The following CNTNAP2 variants were observed in gnomAD, a reference collection of about 807,000 sequenced individuals.
The protein encoded by CNTNAP2 is contactin associated protein 2.
Under a neutral mutation model 155.2 loss-of-function variants are expected in CNTNAP2, and 98 were observed. That is an observed-to-expected ratio of 0.63 (90% CI 0.54 to 0.75). CNTNAP2 has a LOEUF of 0.75. Among genes scored for constraint, CNTNAP2 ranks in the 30% least tolerant of loss-of-function variants. The probability of loss-of-function intolerance (pLI) is 0.00; values close to 1 mark genes in which losing one functional copy is unlikely to be tolerated. For missense variants in CNTNAP2, 1,727 were observed against 1,688.1 expected, an observed-to-expected ratio of 1.02 and a Z score of -0.40; for synonymous variants, 651 against 631.2, an observed-to-expected ratio of 1.03 and a Z score of -0.47.
intron 22 of CNTNAP2, 66 bp from the exon 23 acceptor site, chr7:148,409,325 G>T: frequency 8.3e-7 from 1 of 1,209,974 alleles, no homozygotes; most frequent in Non-Finnish European, 1.2e-6. Context: ...TGAAGAAATA[G>T]GTATCAAATT....
At chr7:147,410,410 G>A (rs1243254185) in intron 10 of CNTNAP2, among the ~76,000 whole-genome samples, 1 of 152,138 alleles carries the variant, frequency 6.6e-6, no homozygotes, top group East Asian at 1.9e-4. Context: ...TGGGAGGAGG[G>A]AGAGGATCAG....
chr7:147,542,425 G>C (rs894999543), intron 11 of CNTNAP2, among the ~76,000 whole-genome samples: 1 of 152,154 alleles, frequency 6.6e-6, no homozygotes, highest in Admixed American at 6.5e-5. Context: ...TTACGGACTA[G>C]CTGTGTGACT....
intron 3 of CNTNAP2, among the ~76,000 whole-genome samples, chr7:146,857,628 C>A (rs918986434): frequency 6.6e-6 from 1 of 152,050 alleles, no homozygotes; most frequent in African/African-American, 2.4e-5. Flanking sequence ...ACCAAGAGAA[C>A]GACTGAGAAA....
intron 8 of CNTNAP2, among the ~76,000 whole-genome samples, chr7:147,282,390 G>A (rs1805061470): frequency 6.6e-6 from 1 of 151,928 alleles, no homozygotes. Flanking sequence ...TGTGAGCCAT[G>A]GTTTGGATGA....
intron 21 of CNTNAP2, among the ~76,000 whole-genome samples, chr7:148,368,895 AG>A (rs764046080): frequency 2.6e-5 from 4 of 152,200 alleles, no homozygotes; most frequent in Non-Finnish European, 5.9e-5. Context: ...TTGCTAGGTC[AG>A]GGGTCGAATT....
At chr7:146,770,325 C>T (rs1380634085) in intron 1 of CNTNAP2, among the ~76,000 whole-genome samples, 2 of 148,352 alleles carry the variant, frequency 1.3e-5, no homozygotes, top group Non-Finnish European at 3.0e-5. Flanking sequence ...TATACACACA[C>T]ACACACACAC....
intron 12 of CNTNAP2, among the ~76,000 whole-genome samples, chr7:147,591,281 G>A (rs1022794460): frequency 6.6e-6 from 1 of 152,178 alleles, no homozygotes. Context: ...GGATCAAGGT[G>A]TCTGTAGGTT....
At chr7:147,372,844 C>T (rs1221896482) in intron 9 of CNTNAP2, among the ~76,000 whole-genome samples, 1 of 151,970 alleles carries the variant, frequency 6.6e-6, no homozygotes, top group Non-Finnish European at 1.5e-5. Context: ...GATGGCCCAG[C>T]CAATGGAAAC....
At chr7:148,066,242 A>G (rs10236703) in intron 15 of CNTNAP2, among the ~76,000 whole-genome samples, 7,929 of 152,216 alleles carry the variant, frequency 0.052, 434 homozygotes, top group East Asian at 0.29. Context: ...GACTTTAGAT[A>G]ACCTAATGAC....
intron 14 of CNTNAP2, among the ~76,000 whole-genome samples, chr7:147,935,769 G>GA (rs752361274): frequency 1.3e-5 from 2 of 151,846 alleles, no homozygotes; most frequent in Non-Finnish European, 2.9e-5. Flanking sequence ...TCATTTATAT[G>GA]ATAGCAAAAA....
intron 1 of CNTNAP2, among the ~76,000 whole-genome samples, chr7:146,295,392 C>T (rs1800497590): frequency 6.6e-6 from 1 of 151,922 alleles, no homozygotes; most frequent in Admixed American, 6.6e-5. Flanking sequence ...GTGGTTCTAC[C>T]CTTCCAGTTT....
chr7:148,380,277 ATACTT>A (rs1021781322), intron 21 of CNTNAP2, among the ~76,000 whole-genome samples: 1 of 152,232 alleles, frequency 6.6e-6, no homozygotes, highest in African/African-American at 2.4e-5. Context: ...ATAGAGTAAC[ATACTT>A]TACTTGTAAT....
intron 2 of CNTNAP2, among the ~76,000 whole-genome samples, chr7:146,814,439 T>A (rs1446222770): frequency 3.9e-5 from 6 of 152,084 alleles, no homozygotes; most frequent in African/African-American, 7.2e-5. Context: ...GAAAAAATGC[T>A]AAAAATAAAA....
chr7:147,484,191 C>G (rs574720167), intron 10 of CNTNAP2, among the ~76,000 whole-genome samples: 1 of 152,142 alleles, frequency 6.6e-6, no homozygotes, highest in Non-Finnish European at 1.5e-5. Flanking sequence ...CTTGATAACA[C>G]TGAGCCCAAA....
At chr7:146,350,793 C>T (rs561779900) in intron 1 of CNTNAP2, among the ~76,000 whole-genome samples, 5 of 151,832 alleles carry the variant, frequency 3.3e-5, no homozygotes, top group South Asian at 4.2e-4. Flanking sequence ...TGTCCAACAA[C>T]GATAGACTGG....
intron 1 of CNTNAP2, among the ~76,000 whole-genome samples, chr7:146,409,303 T>C (rs566858334): frequency 6.6e-6 from 1 of 152,278 alleles, no homozygotes; most frequent in South Asian, 2.1e-4. Flanking sequence ...AAACCATTGC[T>C]TAAAACAAAT....
intron 13 of CNTNAP2, among the ~76,000 whole-genome samples, chr7:147,685,494 T>C (rs1045419123): frequency 1.3e-5 from 2 of 151,986 alleles, no homozygotes; most frequent in African/African-American, 2.4e-5. Flanking sequence ...ATGTTTCAGA[T>C]CCAAACAATG....
chr7:146,438,096 C>T (rs752196479), intron 1 of CNTNAP2, among the ~76,000 whole-genome samples: 7 of 151,298 alleles, frequency 4.6e-5, no homozygotes, highest in African/African-American at 7.4e-5. Context: ...GCTATCGAGA[C>T]GTAATCTAGC....
intron 10 of CNTNAP2, among the ~76,000 whole-genome samples, chr7:147,459,223 G>A (rs746676092): frequency 1.3e-5 from 2 of 152,134 alleles, no homozygotes; most frequent in Non-Finnish European, 2.9e-5. Context: ...ATTTGCATTT[G>A]GTTAGTGGGA....
Sources: gnomAD v4.1 joint callset for allele counts (sites outside exome capture counted in the v4.1 genomes callset) on GRCh38, gnomAD v4.1.1 for gene constraint, MANE v1.5 for transcripts, NCBI Gene and HGNC (gene_info 2026-07-23, HGNC 2026-07-21) for gene names.